ZKSCAN8: variants seen among roughly 807,000 people sequenced by gnomAD.
ZKSCAN8 encodes zinc finger with KRAB and SCAN domains 8.
A neutral mutation model predicts 57.2 loss-of-function variants in ZKSCAN8; 27 were observed. The ratio of observed to expected loss-of-function variants is 0.47; its 90% CI spans 0.35 to 0.65. The LOEUF (loss-of-function observed/expected upper bound fraction) is 0.65, where lower values mean the gene tolerates loss of function less well. ZKSCAN8 is among the 30% of genes least tolerant of loss of function. ZKSCAN8 has a pLI of 0.01. For synonymous variants in ZKSCAN8, 214 were observed against 248.7 expected (o/e 0.86, Z 1.31); for missense variants, 597 against 696.3 (o/e 0.86, Z 1.60).
At chr6:28,149,454 C>G (rs760433370) in intron 2 of ZKSCAN8, 29 bp from the exon 3 acceptor site, 18 of 1,611,862 alleles carry the variant, frequency 1.1e-5, no homozygotes, top group African/African-American at 1.3e-5. Context: ...AAAGGGATTC[C>G]TTATTATCCA....
In ZKSCAN8 at chr6:28,149,721, TC is replaced by T. The variant is rs1765530729; in HGVS notation, c.559+99del. 2.1e-6 allele frequency: 3 copies of T among 1,449,766 alleles called. No individual in the cohort carries two copies. In the Admixed American group the frequency reaches 6.6e-5, roughly 32 times the overall value. 89.8% of individuals were successfully genotyped at this position (1,449,766 alleles called of 1,614,324 possible). On this transcript the variant is annotated intron_variant, in intron 3 of 5. Transcript: ENST00000330236. ...GTTCCTGAAGAACCAGGAACTAAAA[TC>T]CTGTTTACAGACCAGTCCCAAAGTC...
In ZKSCAN8 at chr6:28,148,662, C is replaced by A; in HGVS notation, c.255C>A (p.Asn85Lys). The part of the protein sequence containing the change: ...LCHQWLRPDL[N>K]TKEQILELLV... ...ATCAGTGGCTGAGGCCAGATTTGAA[C>A]ACCAAGGAACAGATCCTGGAGCTGC... is the stretch of plus-strand genomic sequence containing the variant. The change falls in exon 2 of 6, where the codon AAC becomes AAA. Residue 85 changes from asparagine (N) to lysine (K), a missense_variant. Asn to Lys is a moderately conservative substitution (Grantham distance 94, BLOSUM62 0). Transcript: ENST00000330236. 1 of 1,614,138 alleles carries A rather than the reference C, an allele frequency of 6.2e-7. No homozygotes were observed. Among genetic ancestry groups the A allele is most frequent in the Non-Finnish European group, 8.5e-7 (1 of 1,180,018 alleles).
At position 28,144,706 on chromosome 6, in the gene ZKSCAN8, AG is replaced by A. The variant is rs1765329354; in HGVS notation, c.-93+2682del. Among the ~76,000 whole-genome samples the A allele has an allele frequency of 6.6e-6, 1 of 152,234 alleles. No individual in the cohort carries two copies. Among genetic ancestry groups the A allele is most frequent in the Non-Finnish European group, 1.5e-5 (1 of 68,038 alleles). ...TGCTTTGGTAGGAATGACAAATGGC[AG>A]GGGGATGACAGAGAAGAACTCATGA... On this transcript the variant is annotated intron_variant, in intron 1 of 5. Transcript: ENST00000330236. The surrounding 1 kb of genome is among the most constrained non-coding windows in gnomAD (Gnocchi z 4.5).
rs1184679700 is a variant in ZKSCAN8 at position 28,144,414 on chromosome 6, T to C, written c.-93+2385T>C. On this transcript the variant is annotated intron_variant, in intron 1 of 5. Transcript: ENST00000330236. This position sits in a 1 kb window ranked among gnomAD's most constrained non-coding sequence, Gnocchi z 4.5. ...AGATAAGCACTGCCTTGATGATCCG[T>C]ATGGGGAACTGTATGTACAGTAATC... The C allele has an allele frequency of 1.3e-5, 2 of 152,234 alleles. No individual in the cohort carries two copies. The highest frequency in any genetic ancestry group is 4.8e-5 in the African/African-American group (2 of 41,428). 9.4% of individuals were successfully genotyped at this position (152,234 alleles called of 1,614,324 possible).
chr6:28,153,008 T>A (rs1179786123), intron 5 of ZKSCAN8, 48 bp from the exon 6 acceptor site: 10 of 1,595,578 alleles, frequency 6.3e-6, no homozygotes, highest in Non-Finnish European at 8.5e-6. Flanking sequence ...GCATAAAGAA[T>A]AGGTTGTGAC....
rs1443484931 is a variant in ZKSCAN8 at position 28,153,959 on chromosome 6, G to A, written c.1679G>A (p.Ser560Asn). The change falls in exon 6 of 6, where the codon AGT becomes AAT. Residue 560 changes from serine to asparagine, a missense_variant. Physicochemically the swap from Ser to Asn is conservative, Grantham distance 46. Transcript: ENST00000330236. Reference sequence around the variant, plus strand: ...GGGAAAGCCTTTATTCAGAGGTCAAGTCTCATTCGACATCAGAGAATCCAC... The same window carrying A: ...GGGAAAGCCTTTATTCAGAGGTCAAATCTCATTCGACATCAGAGAATCCAC... ...ECGKAFIQRS[S>N]LIRHQRIHSG... The A allele has an allele frequency of 6.2e-7, 1 of 1,612,418 alleles. No homozygotes were observed. Among genetic ancestry groups the A allele is most frequent in the South Asian group, 1.1e-5 (1 of 90,750 alleles).
chr6:28,147,753 G>A (rs1193368050), intron 1 of ZKSCAN8, among the ~76,000 whole-genome samples: 7 of 152,124 alleles, frequency 4.6e-5, no homozygotes, highest in Admixed American at 3.3e-4. Flanking sequence ...CTGAGTTGGA[G>A]GTCACGTCCA....
rs1284851720 is a variant in ZKSCAN8, at chr6:28,148,789, G to A, written c.382G>A (p.Asp128Asn). 1.9e-6 allele frequency: 3 copies of A among 1,613,972 alleles called. No individual in the cohort carries two copies. Among genetic ancestry groups the A allele is most frequent in the Non-Finnish European group, 2.5e-6 (3 of 1,179,932 alleles). Reference protein sequence around the residue: ...NGEEVVTLLEDLERQIDILGR... With the variant: ...NGEEVVTLLENLERQIDILGR... ...AGAGGAGGTGGTGACCCTATTAGAG[G>A]ATTTGGAAAGGCAGATTGATATACT... The change falls in exon 2 of 6, where the codon GAT becomes AAT. Residue 128 changes from aspartate to asparagine, a missense_variant. Transcript: ENST00000330236.
chr6:28,151,859 C>G lies in ZKSCAN8; in HGVS notation c.574C>G (p.Gln192Glu), dbSNP rs1765601303. The G allele has an allele frequency of 6.2e-7, 1 of 1,614,136 alleles. No individual in the cohort carries two copies. Among genetic ancestry groups the G allele is most frequent in the Non-Finnish European group, 8.5e-7 (1 of 1,179,972 alleles). ...ESQERAMSTS[Q>E]SPTRSQKGSS... ...TCTCCTCTCAGCCATGTCTACTTCC[C>G]AGAGTCCTACTCGTTCCCAGAAAGG... is the stretch of plus-strand genomic sequence containing the variant. The change falls in exon 4 of 6, where the codon CAG becomes GAG. Residue 192 changes from glutamine to glutamate, a missense_variant. Physicochemically the swap from Gln to Glu is conservative, Grantham distance 29. Coordinates refer to ENST00000330236, the MANE Select transcript of ZKSCAN8 (RefSeq NM_006298.4).
chr6:28,152,514 G>T, intron 5 of ZKSCAN8, 130 bp downstream of exon 5: 1 of 1,249,694 alleles, frequency 8.0e-7, no homozygotes. Context: ...GGGATATGAT[G>T]TTGAGATTTC....
At position 28,154,051 on chromosome 6, in the gene ZKSCAN8, G is replaced by A. The variant is rs776936105; in HGVS notation, c.*34G>A. 1.2e-5 allele frequency: 19 copies of A among 1,538,744 alleles called. No homozygotes were observed. The East Asian group carries it at 4.0e-4, about 33-fold the overall frequency. On this transcript the variant is annotated 3_prime_UTR_variant, in exon 6 of 6. Coordinates refer to ENST00000330236, the MANE Select transcript of ZKSCAN8 (RefSeq NM_006298.4). ...TCAGTTAGAGTTTGAGCATTATTCA[G>A]CATTAGGGAAACCACACACTGGTGA...
rs756145802 is a variant in ZKSCAN8, at chr6:28,148,624, C to T, written c.217C>T (p.Arg73Trp). Reference sequence around the variant, plus strand: ...ACCCCGAGAAGCTCTGATCCAACTACGGGCCCTTTGCCATCAGTGGCTGAG... The same window carrying T: ...ACCCCGAGAAGCTCTGATCCAACTATGGGCCCTTTGCCATCAGTGGCTGAG... ...LGPREALIQLRALCHQWLRPD... is the reference protein window; with the variant it reads ...LGPREALIQLWALCHQWLRPD... The change falls in exon 2 of 6, where the codon CGG (arginine) becomes TGG (tryptophan). Residue 73 changes from arginine (R) to tryptophan (W), a missense_variant. Arg to Trp is a moderately radical substitution (Grantham distance 101, BLOSUM62 -3). Transcript: ENST00000330236. The T allele has an allele frequency of 6.2e-6, 10 of 1,614,028 alleles. No homozygotes were observed. Among genetic ancestry groups the T allele is most frequent in the African/African-American group, 2.7e-5 (2 of 74,908 alleles).
Position 28,153,519 on chromosome 6 carries a change from G to A in ZKSCAN8, c.1239G>A (p.Lys413=). ...CATATCAGTGCAATCAGTGTGGGAA[G>A]GCTTTCAGTCAGAGTGCGGGCCTTA... ...EKPYQCNQCG[K]AFSQSAGLIL... The change falls in exon 6 of 6, where the codon AAG becomes AAA. Residue 413 remains lysine, a synonymous_variant. Coordinates refer to ENST00000330236, the MANE Select transcript of ZKSCAN8 (RefSeq NM_006298.4). 1 of 1,611,626 alleles carries A rather than the reference G, an allele frequency of 6.2e-7. No homozygotes were observed. Among genetic ancestry groups the A allele is most frequent in the Non-Finnish European group, 8.5e-7 (1 of 1,178,288 alleles).
rs921584264 is a variant in ZKSCAN8 at position 28,148,966 on chromosome 6, C to T, written c.417+142C>T. The T allele has an allele frequency of 2.1e-5, 21 of 978,528 alleles. No homozygotes were observed. The African/African-American group carries it at 2.8e-4, about 13-fold the overall frequency. The allele number at this position is 978,528 out of a possible 1,614,324, so 60.6% of individuals were successfully genotyped here. Reference sequence around the variant, plus strand: ...TGACAATAGTTTTAGTGTAGTATGACTTGTAGAGTTCTTTTTACTTTTGTA... The same window carrying T: ...TGACAATAGTTTTAGTGTAGTATGATTTGTAGAGTTCTTTTTACTTTTGTA... On this transcript the variant is annotated intron_variant, in intron 2 of 5. Coordinates refer to ENST00000330236, the MANE Select transcript of ZKSCAN8 (RefSeq NM_006298.4).
intron 1 of ZKSCAN8, among the ~76,000 whole-genome samples, chr6:28,143,847 T>C (rs553024108): frequency 6.6e-6 from 1 of 152,332 alleles, no homozygotes; most frequent in South Asian, 2.1e-4. Context: ...TAAAATTAGC[T>C]AAGACCATTT....
rs556326089 is a variant in ZKSCAN8, at chr6:28,155,947, C to T, written c.*1930C>T. ...TTTCTTATCCTCCCTTCTCTTGTTT[C>T]TTTTATTTATAAGTTACCATTCCTA... is the stretch of plus-strand genomic sequence containing the variant. On this transcript the variant is annotated 3_prime_UTR_variant, in exon 6 of 6. Coordinates refer to ENST00000330236, the MANE Select transcript of ZKSCAN8 (RefSeq NM_006298.4). 8 of 392,676 alleles carry T rather than the reference C, an allele frequency of 2.0e-5. No individual in the cohort carries two copies. The Admixed American group carries it at 3.5e-4, about 17-fold the overall frequency. The allele number at this position is 392,676 out of a possible 1,614,324, so 24.3% of individuals were successfully genotyped here. A position where few individuals can be genotyped will look rare whatever the true frequency, so the allele number is the denominator to read the frequency against.
chr6:28,154,311 A>C lies in ZKSCAN8; in HGVS notation c.*294A>C. On this transcript the variant is annotated 3_prime_UTR_variant, in exon 6 of 6. Coordinates refer to ENST00000330236, the MANE Select transcript of ZKSCAN8 (RefSeq NM_006298.4). ...TGCTTGTCATGGCTTGAAGAGCTTA[A>C]CTTTGTCTTTTGGGTGAGTAGCTAT... 3.7e-6 allele frequency: 1 copy of C among 272,494 alleles called. No individual in the cohort carries two copies. The highest frequency in any genetic ancestry group is 6.8e-6 in the Non-Finnish European group (1 of 146,168). 16.9% of individuals were successfully genotyped at this position (272,494 alleles called of 1,614,324 possible).
intron 3 of ZKSCAN8, among the ~76,000 whole-genome samples, chr6:28,150,175 G>A (rs774113942): frequency 5.3e-5 from 8 of 152,112 alleles, no homozygotes; most frequent in African/African-American, 9.7e-5. Context: ...CTAGTCTGGC[G>A]TCACACTTTG....
At position 28,156,122 on chromosome 6, in the gene ZKSCAN8, T is replaced by C. The variant is rs1279288824; in HGVS notation, c.*2105T>C. On this transcript the variant is annotated 3_prime_UTR_variant, in exon 6 of 6. Coordinates refer to ENST00000330236, the MANE Select transcript of ZKSCAN8 (RefSeq NM_006298.4). The stretch of plus-strand genomic sequence containing the variant: ...TTACCTTGTATGCAAATATTACATA[T>C]GATGGGTGCATTGTCAGAGGGAAAA... 1 of 398,282 alleles carries C rather than the reference T, an allele frequency of 2.5e-6. No individual in the cohort carries two copies. 24.7% of individuals were successfully genotyped at this position (398,282 alleles called of 1,614,324 possible). A position where few individuals can be genotyped will look rare whatever the true frequency, so the allele number is the denominator to read the frequency against.
Sources: gnomAD v4.1 joint callset for allele counts (sites outside exome capture counted in the v4.1 genomes callset) on GRCh38, gnomAD v4.1.1 for gene constraint, Gnocchi (gnomAD v3.1) non-coding constraint, MANE v1.5 for transcripts, NCBI Gene and HGNC (gene_info 2026-07-23, HGNC 2026-07-21) for gene names.